Variants in CDH11 observed in about 807,000 individuals in gnomAD.
CDH11 encodes the protein cadherin 11.
A neutral mutation model predicts 67.8 loss-of-function variants in CDH11; 11 were observed. The ratio of observed to expected loss-of-function variants is 0.16; its 90% CI spans 0.10 to 0.27. The LOEUF is 0.27. Among genes scored for constraint, CDH11 ranks in the 10% least tolerant of loss-of-function variants. The pLI, the probability that CDH11 is intolerant of heterozygous loss-of-function variation, is 1.00. For synonymous variants in CDH11, 419 were observed against 400.0 expected (o/e 1.05, Z -0.57); for missense variants, 847 against 1,031.2 (o/e 0.82, Z 2.45).
At chr16:64,961,684 C>T (rs935582930) in intron 11 of CDH11, among the ~76,000 whole-genome samples, 2 of 151,994 alleles carry the variant, frequency 1.3e-5, no homozygotes, top group African/African-American at 4.8e-5. Flanking sequence ...CTTGCCTTTT[C>T]CTCTGTACCT....
chr16:65,107,184 G>A (rs1383106306), intron 1 of CDH11, among the ~76,000 whole-genome samples: 2 of 152,150 alleles, frequency 1.3e-5, no homozygotes, highest in African/African-American at 4.8e-5. Context: ...TGAAGAACAC[G>A]GGATCTCTTG....
chr16:65,015,341 A>T (rs1286303954), intron 2 of CDH11, among the ~76,000 whole-genome samples: 1 of 151,998 alleles, frequency 6.6e-6, no homozygotes, highest in African/African-American at 2.4e-5. Context: ...GAGTTGAATG[A>T]CACTCTAGAG....
chr16:65,110,634 G>GTA (rs1192741170), intron 1 of CDH11, among the ~76,000 whole-genome samples: 1 of 60,130 alleles, frequency 1.7e-5, no homozygotes, highest in Non-Finnish European at 3.9e-5. Flanking sequence ...ATGTGTGTGT[G>GTA]TGTGTGTGTG....
chr16:65,098,509 T>C (rs1052045608), intron 1 of CDH11, among the ~76,000 whole-genome samples: 4 of 150,224 alleles, frequency 2.7e-5, no homozygotes, highest in Admixed American at 2.6e-4. Context: ...TGCAACTGTG[T>C]CTTCAAGTGT....
At chr16:64,958,359 AT>A (rs1365812881) in intron 11 of CDH11, among the ~76,000 whole-genome samples, 5 of 151,800 alleles carry the variant, frequency 3.3e-5, no homozygotes, top group Non-Finnish European at 5.9e-5. Context: ...TATATTGCAG[AT>A]TTTGCTTTTG....
chr16:64,951,575 GC>G (rs937250189), intron 11 of CDH11, among the ~76,000 whole-genome samples: 36 of 152,144 alleles, frequency 2.4e-4, no homozygotes, highest in African/African-American at 7.0e-4. Flanking sequence ...TTTCTGCTGG[GC>G]TATTAGCTTC....
chr16:64,976,311 C>T (rs2072164738), intron 8 of CDH11, among the ~76,000 whole-genome samples: 1 of 151,668 alleles, frequency 6.6e-6, no homozygotes, highest in Non-Finnish European at 1.5e-5. Flanking sequence ...TTATCTGAGG[C>T]ATAACAGGTT....
intron 3 of CDH11, among the ~76,000 whole-genome samples, chr16:65,004,254 T>C (rs1219945011): frequency 3.9e-5 from 6 of 152,102 alleles, no homozygotes; most frequent in African/African-American, 9.7e-5. Flanking sequence ...GAACCTGTAG[T>C]CCCAGCTACT....
chr16:65,053,728 C>T, intron 2 of CDH11, 76 bp downstream of exon 2: 2 of 440,290 alleles, frequency 4.5e-6, no homozygotes, highest in Non-Finnish European at 9.3e-6. Context: ...ATTTGAGACA[C>T]AGACCCAGTG....
intron 3 of CDH11, among the ~76,000 whole-genome samples, chr16:65,001,151 G>A (rs2072911054): frequency 6.6e-6 from 1 of 152,070 alleles, no homozygotes; most frequent in Non-Finnish European, 1.5e-5. Context: ...CAGCTCGGGG[G>A]TTACCTGTAG....
At chr16:64,963,595 G>A (rs1367463865) in intron 11 of CDH11, among the ~76,000 whole-genome samples, 1 of 152,028 alleles carries the variant, frequency 6.6e-6, no homozygotes, top group African/African-American at 2.4e-5. Flanking sequence ...GATGCAGAAA[G>A]CTCAGAGAAC....
chr16:65,115,177 G>C (rs2075221647), intron 1 of CDH11, among the ~76,000 whole-genome samples: 1 of 152,056 alleles, frequency 6.6e-6, no homozygotes, highest in Admixed American at 6.6e-5. Flanking sequence ...CCCATACGCA[G>C]AACGAACAGA....
Position 64,943,807 on chromosome 16 carries a change from G to A in CDH11, c.*3796C>T, listed in dbSNP as rs1223250202. ...GTACCTGTTATGTTTCAGGCACTGT[G>A]TAAAGAACTGAGTATACAATGGTAA... On this transcript the variant is annotated 3_prime_UTR_variant, in exon 13 of 13. Coordinates refer to ENST00000268603, the MANE Select transcript of CDH11 (RefSeq NM_001797.4). The A allele has an allele frequency of 4.6e-6, 1 of 216,632 alleles. No individual in the cohort carries two copies. The highest frequency in any genetic ancestry group is 1.9e-4 in the South Asian group (1 of 5,380). 13.4% of individuals were successfully genotyped at this position (216,632 alleles called of 1,614,324 possible).
chr16:64,954,698 G>A (rs561789308), intron 11 of CDH11, among the ~76,000 whole-genome samples: 2 of 152,136 alleles, frequency 1.3e-5, no homozygotes, highest in Admixed American at 1.3e-4. Context: ...TTAGATCCAG[G>A]TTGTTCCAGG....
intron 11 of CDH11, among the ~76,000 whole-genome samples, chr16:64,951,723 A>T (rs906949333): frequency 1.3e-5 from 2 of 152,202 alleles, no homozygotes; most frequent in Non-Finnish European, 2.9e-5. Context: ...ATATATTTTT[A>T]AAAAAGAAAT....
chr16:64,950,953 G>C lies in CDH11; in HGVS notation c.1708C>G (p.Leu570Val), dbSNP rs142957030. ...FSRQKQDLYL[L>V]PIVISDGGIP... ...CCGCCATCGCTGATCACTATGGGCA[G>C]AAGGTACAAGTCCTGCTTCTGCCGA... The change falls in exon 12 of 13, where the codon CTG becomes GTG. Residue 570 changes from leucine (L) to valine (V), a missense_variant. Leu to Val is a conservative substitution (Grantham distance 32, BLOSUM62 1). This residue lies in a region of CDH11 where 612 missense variants were observed against 678.7 expected (regional missense o/e 0.90). Transcript: ENST00000268603. 7 of 1,614,202 alleles carry C rather than the reference G, an allele frequency of 4.3e-6. No homozygotes were observed. The African/African-American group carries it at 8.0e-5, about 18-fold the overall frequency.
At chr16:65,061,867 C>T (rs1162029936) in intron 1 of CDH11, among the ~76,000 whole-genome samples, 1 of 152,188 alleles carries the variant, frequency 6.6e-6, no homozygotes, top group African/African-American at 2.4e-5. Context: ...TTCTACAACA[C>T]ACAATTTCAT....
chr16:65,081,720 T>C (rs1471319399), intron 1 of CDH11, among the ~76,000 whole-genome samples: 1 of 152,222 alleles, frequency 6.6e-6, no homozygotes, highest in Non-Finnish European at 1.5e-5. Context: ...TTTTGTTTTA[T>C]CTTCCAAACC....
intron 1 of CDH11, among the ~76,000 whole-genome samples, chr16:65,054,158 C>A: frequency 6.6e-6 from 1 of 152,212 alleles, no homozygotes; most frequent in East Asian, 1.9e-4. Context: ...GCGTTTCGTA[C>A]TTTGATGACA....
Sources: allele counts gnomAD v4.1 joint callset (sites outside exome capture counted in the v4.1 genomes callset), GRCh38; gene constraint gnomAD v4.1.1; regional missense constraint gnomAD v4.1.1; transcripts MANE v1.5; gene names NCBI Gene and HGNC (gene_info 2026-07-23, HGNC 2026-07-21).